The following HFM1 variants were observed in gnomAD, a reference collection of about 807,000 sequenced individuals.
HFM1 encodes the protein probable ATP-dependent DNA helicase HFM1.
In HFM1, 169 loss-of-function variants were observed where a neutral mutation model predicts 192.1. The ratio of observed to expected loss-of-function variants is 0.88; its 90% CI spans 0.78 to 1.00. The LOEUF is 1.00. Ranked by LOEUF, HFM1 falls within the 50% of genes least tolerant of loss-of-function variation. HFM1 has a pLI of 0.00. For synonymous variants in HFM1, 525 were observed against 537.8 expected, an observed-to-expected ratio of 0.98 and a Z score of 0.33; for missense variants, 1,661 against 1,668.0, an observed-to-expected ratio of 1.00 and a Z score of 0.07.
intron 1 of HFM1, among the ~76,000 whole-genome samples, chr1:91,402,023 T>C (rs1292625993): frequency 6.6e-6 from 1 of 152,168 alleles, no homozygotes; most frequent in Non-Finnish European, 1.5e-5. Context: ...GAACATTCTA[T>C]ATGACAAACC....
At position 91,277,033 on chromosome 1, in the gene HFM1, G is replaced by A. The variant is rs962291504; in HGVS notation, c.3421C>T (p.Arg1141Ter). The A allele has an allele frequency of 1.3e-6, 2 of 1,595,280 alleles. No individual in the cohort carries two copies. The highest frequency in any genetic ancestry group is 2.3e-5 in the South Asian group (2 of 87,012). The change falls in exon 31 of 39, where the codon CGA becomes TGA. Residue 1141 changes from arginine to a stop codon, truncating the protein, a stop_gained. Coordinates refer to ENST00000370425, the MANE Select transcript of HFM1 (RefSeq NM_001017975.6). LOFTEE classifies it high-confidence loss of function. ...GTTASKKPGN[R>*]ECNHLCKSKH... is the part of the protein sequence containing the mutation. ...CTTTTACAAAGATGATTGCATTCTC[G>A]GTTCCCAGGTTTTTTGCTGGCAGTC... is the stretch of plus-strand genomic sequence containing the variant.
chr1:91,351,533 C>T lies in HFM1; in HGVS notation c.2072+16G>A. Reference sequence around the variant, plus strand: ...TATTAGCATTAGTATCTTTTTGGAACTTTTTTTTATACTACCTGCTTTCTA... The same window carrying T: ...TATTAGCATTAGTATCTTTTTGGAATTTTTTTTTATACTACCTGCTTTCTA... On this transcript the variant is annotated intron_variant, in intron 17 of 38. Coordinates refer to ENST00000370425, the MANE Select transcript of HFM1 (RefSeq NM_001017975.6). The T allele has an allele frequency of 7.2e-7, 1 of 1,382,300 alleles. No homozygotes were observed. Among genetic ancestry groups the T allele is most frequent in the Non-Finnish European group, 1.0e-6 (1 of 993,584 alleles). 85.6% of individuals were successfully genotyped at this position (1,382,300 alleles called of 1,614,324 possible). A position where few individuals can be genotyped will look rare whatever the true frequency, so the allele number is the denominator to read the frequency against.
intron 32 of HFM1, among the ~76,000 whole-genome samples, chr1:91,275,640 C>T (rs923670789): frequency 6.6e-6 from 1 of 152,128 alleles, no homozygotes; most frequent in African/African-American, 2.4e-5. Flanking sequence ...TTGACTGTTC[C>T]TTCTATTTTG....
intron 25 of HFM1, among the ~76,000 whole-genome samples, chr1:91,318,874 C>T (rs1030450561): frequency 5.9e-5 from 9 of 152,180 alleles, no homozygotes; most frequent in Admixed American, 1.3e-4. Flanking sequence ...CTCATGTACT[C>T]ATGTATCATT....
chr1:91,299,444 T>G (rs985111698), intron 30 of HFM1, among the ~76,000 whole-genome samples: 4 of 152,166 alleles, frequency 2.6e-5, no homozygotes, highest in African/African-American at 7.2e-5. Flanking sequence ...CTAATAGACA[T>G]CTACAGAACT....
intron 6 of HFM1, among the ~76,000 whole-genome samples, chr1:91,384,181 C>T (rs1370382923): frequency 1.3e-5 from 2 of 152,046 alleles, no homozygotes; most frequent in African/African-American, 4.8e-5. Context: ...CTACTTTTGC[C>T]AGAACAATTT....
At chr1:91,296,225 A>G (rs886397506) in intron 30 of HFM1, among the ~76,000 whole-genome samples, 2 of 152,166 alleles carry the variant, frequency 1.3e-5, no homozygotes, top group African/African-American at 4.8e-5. Context: ...AGACTGACAT[A>G]CAATTTTTTC....
chr1:91,317,022 T>C (rs1339716931), intron 25 of HFM1, among the ~76,000 whole-genome samples: 16 of 152,194 alleles, frequency 1.1e-4, no homozygotes. Context: ...TCCTTACCTA[T>C]ATAATCTGAC....
chr1:91,310,202 A>G (rs1650232809), intron 30 of HFM1, among the ~76,000 whole-genome samples: 1 of 152,200 alleles, frequency 6.6e-6, no homozygotes, highest in Non-Finnish European at 1.5e-5. Flanking sequence ...TAGTTTAAAA[A>G]AATCTTTACC....
chr1:91,368,984 G>T (rs1659779512), intron 13 of HFM1, among the ~76,000 whole-genome samples: 1 of 152,172 alleles, frequency 6.6e-6, no homozygotes, highest in Admixed American at 6.5e-5. Flanking sequence ...AGCCAACAAA[G>T]ATCAAAAGAG....
At chr1:91,379,887 A>G (rs1465298174) in intron 8 of HFM1, among the ~76,000 whole-genome samples, 1 of 152,192 alleles carries the variant, frequency 6.6e-6, no homozygotes, top group African/African-American at 2.4e-5. Context: ...TTTAAAAAAT[A>G]AGCATGTAAA....
intron 30 of HFM1, among the ~76,000 whole-genome samples, chr1:91,296,545 A>G (rs193269255): frequency 1.3e-5 from 2 of 152,076 alleles, no homozygotes; most frequent in South Asian, 4.2e-4. Flanking sequence ...TTATTTCAGA[A>G]AAAAAAATGA....
intron 6 of HFM1, 70 bp downstream of exon 6, chr1:91,385,117 A>G: frequency 1.0e-6 from 1 of 955,342 alleles, no homozygotes; most frequent in Non-Finnish European, 1.6e-6. Flanking sequence ...AACAAACACA[A>G]TTAAACAAAT....
At chr1:91,382,969 T>G (rs1661737527) in intron 6 of HFM1, among the ~76,000 whole-genome samples, 1 of 152,144 alleles carries the variant, frequency 6.6e-6, no homozygotes, top group African/African-American at 2.4e-5. Flanking sequence ...AGGATTCAAA[T>G]GCAGTAAAAT....
At chr1:91,353,659 A>G (rs1377172633) in intron 13 of HFM1, among the ~76,000 whole-genome samples, 1 of 150,716 alleles carries the variant, frequency 6.6e-6, no homozygotes, top group South Asian at 2.1e-4. Flanking sequence ...AAGCAAAAAA[A>G]AAAAAAAAAA....
At chr1:91,305,199 T>C (rs553773462) in intron 30 of HFM1, among the ~76,000 whole-genome samples, 2 of 152,328 alleles carry the variant, frequency 1.3e-5, no homozygotes, top group East Asian at 3.9e-4. Flanking sequence ...TGTGAATTTC[T>C]GCAAAAACTA....
intron 20 of HFM1, chr1:91,328,515 T>C: frequency 6.2e-7 from 1 of 1,613,384 alleles, no homozygotes; most frequent in South Asian, 1.1e-5. Context: ...TCCTGATTGC[T>C]GTTCGCCAGG....
chr1:91,292,587 C>T (rs534248083), intron 30 of HFM1, among the ~76,000 whole-genome samples: 24 of 152,042 alleles, frequency 1.6e-4, no homozygotes, highest in East Asian at 3.9e-4. Flanking sequence ...TCCATGCTCA[C>T]GGGTAGGAAG....
At chr1:91,319,686 G>A (rs990999872) in intron 23 of HFM1, among the ~76,000 whole-genome samples, 2 of 151,946 alleles carry the variant, frequency 1.3e-5, no homozygotes, top group African/African-American at 4.8e-5. Context: ...TCTCTAGATT[G>A]ATACAAATTA....
Sources: gnomAD v4.1 joint callset for allele counts (sites outside exome capture counted in the v4.1 genomes callset) on GRCh38, gnomAD v4.1.1 for gene constraint, MANE v1.5 for transcripts, NCBI Gene and HGNC (gene_info 2026-07-23, HGNC 2026-07-21) for gene names.